TOMM20L: variants seen among roughly 807,000 people sequenced by gnomAD.
TOMM20L encodes the protein translocase of outer mitochondrial membrane 20 like, also known as TOMM20-like protein 1.
In TOMM20L, 19 loss-of-function variants were observed where a neutral mutation model predicts 20.4. The ratio of observed to expected loss-of-function variants is 0.93; its 90% CI spans 0.65 to 1.36. The LOEUF (loss-of-function observed/expected upper bound fraction) is 1.36, where lower values mean the gene tolerates loss of function less well. Among genes scored for constraint, TOMM20L ranks in the 40% most tolerant of loss-of-function variants. The pLI is 0.00. For missense variants in TOMM20L, 218 were observed against 203.7 expected, an observed-to-expected ratio of 1.07 and a Z score of -0.43; for synonymous variants, 75 against 79.6, an observed-to-expected ratio of 0.94 and a Z score of 0.30.
chr14:58,400,034 A>C (rs373789198), intron 2 of TOMM20L, among the ~76,000 whole-genome samples: 1 of 150,974 alleles, frequency 6.6e-6, no homozygotes, highest in Admixed American at 6.6e-5. Context: ...CTCTATTCTT[A>C]TGCTGTTAGA....
downstream of TOMM20L, among the ~76,000 whole-genome samples, chr14:58,412,654 A>G (rs2140317145): frequency 6.6e-6 from 1 of 152,314 alleles, no homozygotes; most frequent in African/African-American, 2.4e-5. Flanking sequence ...TAATCCCAGC[A>G]CTTTGGGAGG....
At chr14:58,396,240 G>C in intron 1 of TOMM20L, 58 bp from the exon 2 acceptor site, 1 of 1,606,784 alleles carries the variant, frequency 6.2e-7, no homozygotes, top group South Asian at 1.1e-5. Context: ...GGACCACTGG[G>C]CCCACGCGTG....
Position 58,408,701 on chromosome 14 carries a change from T to C in TOMM20L, c.*119T>C, listed in dbSNP as rs778534183. ...GAGTAATAAAAATTTTTCTATCTCA[T>C]ACATGATCGAACACATAAGTTGCTT... On this transcript the variant is annotated 3_prime_UTR_variant, in exon 5 of 5. Transcript: ENST00000360945. 33 of 966,830 alleles carry C rather than the reference T, an allele frequency of 3.4e-5. No individual in the cohort carries two copies. The highest frequency in any genetic ancestry group is 5.0e-5 in the Non-Finnish European group (33 of 659,580). 59.9% of individuals were successfully genotyped at this position (966,830 alleles called of 1,614,324 possible). A position where few individuals can be genotyped will look rare whatever the true frequency, so the allele number is the denominator to read the frequency against.
At chr14:58,396,490 C>A in intron 2 of TOMM20L, 149 bp downstream of exon 2, 1 of 780,826 alleles carries the variant, frequency 1.3e-6, no homozygotes, top group Non-Finnish European at 2.1e-6. Context: ...CGCCACGCAC[C>A]GCCTCAGGCC....
At chr14:58,400,303 G>A (rs2035978144) in intron 2 of TOMM20L, among the ~76,000 whole-genome samples, 1 of 151,848 alleles carries the variant, frequency 6.6e-6, no homozygotes, top group Non-Finnish European at 1.5e-5. Context: ...TCCCTGGGAG[G>A]CTGAGGCAAG....
At position 58,401,380 on chromosome 14, in the gene TOMM20L, G is replaced by A. The variant is rs1248461349; in HGVS notation, c.181-1300G>A. Among the ~76,000 whole-genome samples the A allele has an allele frequency of 2.0e-5, 3 of 152,072 alleles. 1 individual carries two copies. The highest frequency in any genetic ancestry group is 6.3e-3 in the Middle Eastern group (2 of 316). On this transcript the variant is annotated intron_variant, in intron 2 of 4. Transcript: ENST00000360945. Reference sequence around the variant, plus strand: ...AAGTCAGGAGATCGAGACCATCCTAGCTAACAAGGTGAAACCCCATCTCTA... The same window carrying A: ...AAGTCAGGAGATCGAGACCATCCTAACTAACAAGGTGAAACCCCATCTCTA...
downstream of TOMM20L, chr14:58,409,241 G>GA (rs1595004717): frequency 1.3e-6 from 2 of 1,538,876 alleles, no homozygotes; most frequent in East Asian, 4.6e-5. Context: ...TATTCTAAAA[G>GA]AATCAGTGGG....
At chr14:58,411,816 T>G (rs541413906), downstream of TOMM20L, 1 of 1,193,468 alleles carries the variant, frequency 8.4e-7, no homozygotes, top group East Asian at 2.3e-5. Context: ...GGATTACAGA[T>G]GTGAGCCACT....
chr14:58,407,083 A>G (rs1174783838), intron 3 of TOMM20L, among the ~76,000 whole-genome samples: 1 of 152,198 alleles, frequency 6.6e-6, no homozygotes, highest in African/African-American at 2.4e-5. Flanking sequence ...CCAATGCAAG[A>G]GTATACTTCT....
At chr14:58,397,044 G>A (rs962031835) in intron 2 of TOMM20L, among the ~76,000 whole-genome samples, 2 of 152,124 alleles carry the variant, frequency 1.3e-5, no homozygotes, top group Non-Finnish European at 2.9e-5. Context: ...CAGCCTGGGC[G>A]ACAGAGCAAG....
chr14:58,399,885 CATATATATATATATATAT>C lies in TOMM20L; in HGVS notation c.181-2768_181-2751del, dbSNP rs869260438. On this transcript the variant is annotated intron_variant, in intron 2 of 4. Coordinates refer to ENST00000360945, the MANE Select transcript of TOMM20L (RefSeq NM_207377.3). ...ATTCTTATTTTCAAATGCTCTATTGCATATATATATATATATATATATATATATATATATATATATATA... is the reference window on the plus strand; with the variant it reads ...ATTCTTATTTTCAAATGCTCTATTGCATATATATATATATATATATATATA... 2.5e-3 allele frequency among the ~76,000 whole-genome samples: 94 copies of C among 37,316 alleles called. 2 individuals carry two copies. Among genetic ancestry groups the C allele is most frequent in the Middle Eastern group, 0.038 (1 of 26 alleles). The allele number at this position is 37,316 out of a possible 152,430, so 24.5% of individuals were successfully genotyped here.
chr14:58,409,043 T>C (rs946949554), downstream of TOMM20L: 12 of 1,612,174 alleles, frequency 7.4e-6, no homozygotes, highest in African/African-American at 1.5e-4. Context: ...TCTATCGTGG[T>C]TGGCCAAGGA....
downstream of TOMM20L, chr14:58,412,123 G>A (rs1412139235): frequency 3.5e-6 from 2 of 569,626 alleles, no homozygotes; most frequent in Non-Finnish European, 3.1e-6. Flanking sequence ...AATGACCATA[G>A]AACCTTACAG....
At chr14:58,396,435 T>C (rs2140298231) in intron 2 of TOMM20L, 94 bp downstream of exon 2, 1 of 1,408,684 alleles carries the variant, frequency 7.1e-7, no homozygotes, top group Admixed American at 1.9e-5. Flanking sequence ...AGCAGGTAGT[T>C]AGTTCCCTCA....
chr14:58,409,049 A>G (rs2036122045), downstream of TOMM20L: 1 of 1,613,448 alleles, frequency 6.2e-7, no homozygotes, highest in Non-Finnish European at 8.5e-7. Flanking sequence ...GTGGTTGGCC[A>G]AGGAGTCCTG....
At chr14:58,408,432 A>AT in intron 4 of TOMM20L, 97 bp from the exon 5 acceptor site, 2 of 1,117,964 alleles carry the variant, frequency 1.8e-6, no homozygotes, top group South Asian at 1.5e-5. Flanking sequence ...AAAAAAAAAA[A>AT]GAAAAGTATA....
chr14:58,416,980 G>A, the TOMM20L span, among the ~76,000 whole-genome samples: 1 of 152,126 alleles, frequency 6.6e-6, no homozygotes, highest in African/African-American at 2.4e-5. Flanking sequence ...TGTTGTGGGA[G>A]GGACCTGGTG....
At chr14:58,396,789 C>CT (rs1000851656) in intron 2 of TOMM20L, among the ~76,000 whole-genome samples, 1 of 152,178 alleles carries the variant, frequency 6.6e-6, no homozygotes, top group African/African-American at 2.4e-5. Flanking sequence ...TGATTAGTCC[C>CT]TTTTTTGTTG....
intron 2 of TOMM20L, among the ~76,000 whole-genome samples, chr14:58,396,946 T>A (rs1446586640): frequency 6.6e-6 from 1 of 152,178 alleles, no homozygotes; most frequent in East Asian, 1.9e-4. Flanking sequence ...ATACAAAAAT[T>A]AGCCGGGAGT....
Sources: gnomAD v4.1 joint callset for allele counts (sites outside exome capture counted in the v4.1 genomes callset) on GRCh38, gnomAD v4.1.1 for gene constraint, MANE v1.5 for transcripts, NCBI Gene and HGNC (gene_info 2026-07-23, HGNC 2026-07-21) for gene names.